Variants in DEF8 observed in about 807,000 individuals in gnomAD.
DEF8 encodes DEF-8.
DEF8 carries 38 observed loss-of-function variants against 59.1 expected under a neutral mutation model. That is an observed-to-expected ratio of 0.64 (90% CI 0.50 to 0.84). The LOEUF (loss-of-function observed/expected upper bound fraction) is 0.84, where lower values mean the gene tolerates loss of function less well. Ranked by LOEUF, DEF8 falls within the 40% of genes least tolerant of loss-of-function variation. The probability of loss-of-function intolerance (pLI) is 0.00; values close to 1 mark genes in which losing one functional copy is unlikely to be tolerated. For missense variants in DEF8, 557 were observed against 615.2 expected (o/e 0.91, Z 1.00); for synonymous variants, 265 against 250.1 (o/e 1.06, Z -0.56).
Position 89,965,974 on chromosome 16 carries a change from C to T in DEF8, c.*11C>T. ...GATGTGGAGGCCTAGCGCCGAGGAACAGTGCTGGGCACCCCGCCTGGCCCG... is the reference window on the plus strand; with the variant it reads ...GATGTGGAGGCCTAGCGCCGAGGAATAGTGCTGGGCACCCCGCCTGGCCCG... On this transcript the variant is annotated 3_prime_UTR_variant, in exon 13 of 13. Transcript: ENST00000563594. The T allele has an allele frequency of 6.2e-7, 1 of 1,601,094 alleles. No homozygotes were observed. The highest frequency in any genetic ancestry group is 8.5e-7 in the Non-Finnish European group (1 of 1,170,902).
intron 12 of DEF8, among the ~76,000 whole-genome samples, chr16:89,965,055 G>A (rs767330068): frequency 3.9e-5 from 6 of 152,050 alleles, no homozygotes; most frequent in Admixed American, 1.3e-4. Flanking sequence ...TTATGCTCTC[G>A]CGTTTTTTTT....
rs754402030 is a variant in DEF8 at position 89,962,019 on chromosome 16, G to A, written c.815G>A (p.Arg272His). The change falls in exon 9 of 13, where the codon CGC becomes CAC. Residue 272 changes from arginine to histidine, a missense_variant. Physicochemically the swap from Arg to His is conservative, Grantham distance 29. Transcript: ENST00000563594. The part of the protein sequence containing the change: ...NWDFEPRKVS[R>H]CSMRYLALMV... Reference sequence around the variant, plus strand: ...CCCGGCCGTGCCTGGCAGGTTTCTCGCTGCAGCATGCGCTACCTGGCGCTG... The same window carrying A: ...CCCGGCCGTGCCTGGCAGGTTTCTCACTGCAGCATGCGCTACCTGGCGCTG... 4.3e-6 allele frequency: 7 copies of A among 1,613,860 alleles called. No homozygotes were observed. Among genetic ancestry groups the A allele is most frequent in the East Asian group, 4.5e-5 (2 of 44,898 alleles).
At chr16:89,963,591 A>G (rs941774108) in intron 10 of DEF8, 148 bp downstream of exon 10, 7 of 630,632 alleles carry the variant, frequency 1.1e-5, no homozygotes, top group Non-Finnish European at 1.9e-5. Context: ...CAAAGCAAAC[A>G]GGTGTTCTGC....
intron 1 of DEF8, among the ~76,000 whole-genome samples, chr16:89,949,171 G>A (rs559812083): frequency 0.014 from 2,058 of 150,938 alleles, 46 homozygotes; most frequent in African/African-American, 0.048. Flanking sequence ...TCGAGACCTC[G>A]GCCGCCCCAC....
Position 89,967,876 on chromosome 16 carries a change from C to G in DEF8, c.*1913C>G, listed in dbSNP as rs1418950748. 3.8e-5 allele frequency: 6 copies of G among 156,384 alleles called. No individual in the cohort carries two copies. In the Admixed American group the frequency reaches 3.9e-4, roughly 10 times the overall value. 9.7% of individuals were successfully genotyped at this position (156,384 alleles called of 1,614,324 possible). A position where few individuals can be genotyped will look rare whatever the true frequency, so the allele number is the denominator to read the frequency against. On this transcript the variant is annotated 3_prime_UTR_variant, in exon 13 of 13. Coordinates refer to ENST00000563594, the MANE Select transcript of DEF8 (RefSeq NM_001242818.2). ...CACCTGCCCCTTCTGGGTGACACAG[C>G]CGGTAAACGGAATCACGTATGGTTC... is the stretch of plus-strand genomic sequence containing the variant.
At chr16:89,950,532 CAT>C (rs2031836089) in intron 2 of DEF8, among the ~76,000 whole-genome samples, 1 of 152,106 alleles carries the variant, frequency 6.6e-6, no homozygotes, top group Non-Finnish European at 1.5e-5. Context: ...GGATTACAGG[CAT>C]GCACCACCAT....
chr16:89,953,976 C>G (rs1450489872), intron 2 of DEF8, among the ~76,000 whole-genome samples: 2 of 152,212 alleles, frequency 1.3e-5, no homozygotes, highest in East Asian at 3.9e-4. Context: ...GCTTGGGCCC[C>G]TCAGATGGGC....
intron 5 of DEF8, 138 bp downstream of exon 5, chr16:89,957,798 A>G (rs8051733): frequency 0.31 from 327,558 of 1,053,790 alleles, 53,471 homozygotes; most frequent in African/African-American, 0.35. Context: ...GTAGAAGGGC[A>G]CGAGACAGGC....
intron 2 of DEF8, among the ~76,000 whole-genome samples, chr16:89,953,198 C>G (rs1420073008): frequency 1.3e-5 from 2 of 152,238 alleles, no homozygotes; most frequent in Non-Finnish European, 2.9e-5. Context: ...TCTATAACAT[C>G]AACAGACCTT....
At chr16:89,961,293 G>A (rs544672628) in intron 7 of DEF8, among the ~76,000 whole-genome samples, 198 bp downstream of exon 7, 6 of 152,308 alleles carry the variant, frequency 3.9e-5, no homozygotes, top group South Asian at 4.1e-4. Context: ...GGTTCCAGCC[G>A]TTCCGTGACT....
rs1054725737 is a variant in DEF8, at chr16:89,954,851, C to G, written c.125-318C>G. 6.6e-6 allele frequency among the ~76,000 whole-genome samples: 1 copy of G among 152,122 alleles called. No individual in the cohort carries two copies. The highest frequency in any genetic ancestry group is 2.4e-5 in the African/African-American group (1 of 41,410). On this transcript the variant is annotated intron_variant, in intron 3 of 12. Coordinates refer to ENST00000563594, the MANE Select transcript of DEF8 (RefSeq NM_001242818.2). The surrounding 1 kb of genome is among the most constrained non-coding windows in gnomAD (Gnocchi z 4.3). Reference sequence around the variant, plus strand: ...TAGCCATGCAGTGGTTTTTCTCTCGCCCCCGTGGTCACGCATGAGGTGTCC... The same window carrying G: ...TAGCCATGCAGTGGTTTTTCTCTCGGCCCCGTGGTCACGCATGAGGTGTCC...
At chr16:89,958,906 C>G (rs766229348) in intron 5 of DEF8, 108 bp from the exon 6 acceptor site, 6 of 1,532,026 alleles carry the variant, frequency 3.9e-6, no homozygotes, top group Non-Finnish European at 5.2e-6. Context: ...AACTCACAAT[C>G]TCTGCCCTAA....
At chr16:89,963,842 T>G in intron 10 of DEF8, 1 of 487,538 alleles carries the variant, frequency 2.1e-6, no homozygotes, top group Non-Finnish European at 3.8e-6. Context: ...AAAAATACGT[T>G]GTGTGCTGGG....
At chr16:89,964,421 T>C in intron 11 of DEF8, 45 bp from the exon 12 acceptor site, 9 of 1,553,768 alleles carry the variant, frequency 5.8e-6, no homozygotes, top group Non-Finnish European at 7.8e-6. Context: ...CCAGAGGAGC[T>C]GGCACTGACG....
intron 2 of DEF8, among the ~76,000 whole-genome samples, chr16:89,952,334 C>T (rs1567784181): frequency 6.6e-6 from 1 of 152,216 alleles, no homozygotes; most frequent in Non-Finnish European, 1.5e-5. Flanking sequence ...GATTTAGTCT[C>T]TGGTTCTCCC....
intron 6 of DEF8, among the ~76,000 whole-genome samples, chr16:89,959,740 G>C (rs928365138): frequency 1.3e-5 from 2 of 152,130 alleles, no homozygotes; most frequent in Non-Finnish European, 2.9e-5. Context: ...CTTGTGTTCC[G>C]TCCACCTCGG....
Position 89,964,557 on chromosome 16 carries a change from G to C in DEF8, c.1235G>C (p.Cys412Ser). ...FDSHTSVCAD[C>S]SAVFHRDCYY... ...AGCCACACGTCTGTGTGCGCCGACT[G>C]CTCCGCGGTCTTCCACAGGTGGGTG... The change falls in exon 12 of 13, where the codon TGC becomes TCC. Residue 412 changes from cysteine (C) to serine (S), a missense_variant. Transcript: ENST00000563594. 4 of 1,576,088 alleles carry C rather than the reference G, an allele frequency of 2.5e-6. No homozygotes were observed. The highest frequency in any genetic ancestry group is 3.4e-6 in the Non-Finnish European group (4 of 1,162,378).
chr16:89,967,113 G>A lies in DEF8; in HGVS notation c.*1150G>A, dbSNP rs147826605. ...TTACAGATCCTGCGGTCCACGAGGG[G>A]CCTCAGGAGAGGACGTGTCAGGACG... On this transcript the variant is annotated 3_prime_UTR_variant, in exon 13 of 13. Transcript: ENST00000563594. 0.017 allele frequency: 6,552 copies of A among 396,144 alleles called. 232 individuals are homozygous for A. The highest frequency in any genetic ancestry group is 0.097 in the African/African-American group (4,709 of 48,700). 24.5% of individuals were successfully genotyped at this position (396,144 alleles called of 1,614,324 possible).
intron 10 of DEF8, 120 bp downstream of exon 10, chr16:89,963,563 CA>C (rs1164763655): frequency 8.4e-6 from 6 of 717,924 alleles, no homozygotes; most frequent in Non-Finnish European, 1.4e-5. Context: ...AGGGTCGCCT[CA>C]CCACGGTCCC....
Sources: allele counts gnomAD v4.1 joint callset (sites outside exome capture counted in the v4.1 genomes callset), GRCh38; gene constraint gnomAD v4.1.1; non-coding constraint Gnocchi (gnomAD v3.1); transcripts MANE v1.5; gene names NCBI Gene and HGNC (gene_info 2026-07-23, HGNC 2026-07-21).